KCNQ3: variants seen among roughly 807,000 people sequenced by gnomAD.
KCNQ3 encodes the protein potassium voltage-gated channel subfamily KQT member 3.
In KCNQ3, 30 loss-of-function variants were observed where a neutral mutation model predicts 92.5. The ratio of observed to expected loss-of-function variants is 0.32; its 90% confidence interval spans 0.24 to 0.44. KCNQ3 has a LOEUF of 0.44. KCNQ3 is among the 20% of genes least tolerant of loss of function. The pLI is 1.00. For synonymous variants in KCNQ3, 450 were observed against 468.8 expected (o/e 0.96, Z 0.52); for missense variants, 913 against 1,140.3 (o/e 0.80, Z 2.87).
At chr8:132,241,756 C>T (rs966720371) in intron 1 of KCNQ3, among the ~76,000 whole-genome samples, 1 of 150,896 alleles carries the variant, frequency 6.6e-6, no homozygotes, top group Non-Finnish European at 1.5e-5. Context: ...ATCACTTGAA[C>T]TGGGGAGGCA....
intron 4 of KCNQ3, 104 bp from the exon 5 acceptor site, chr8:132,175,712 T>C: frequency 1.8e-6 from 2 of 1,084,210 alleles, no homozygotes; most frequent in Non-Finnish European, 2.8e-6. Flanking sequence ...ACCAGCTCTG[T>C]GACTGTGGTC....
chr8:132,282,630 C>T (rs1816559001), intron 1 of KCNQ3, among the ~76,000 whole-genome samples: 1 of 152,188 alleles, frequency 6.6e-6, no homozygotes. Context: ...AAGACTCATG[C>T]TTTGCCAGGG....
intron 1 of KCNQ3, among the ~76,000 whole-genome samples, chr8:132,432,353 G>A (rs1216676759): frequency 5.4e-5 from 7 of 130,736 alleles, no homozygotes; most frequent in African/African-American, 1.5e-4. Flanking sequence ...AAATGAATAC[G>A]GCAAAAAAAA....
intron 1 of KCNQ3, among the ~76,000 whole-genome samples, chr8:132,354,405 T>A (rs73343873): frequency 0.029 from 4,486 of 152,254 alleles, 238 homozygotes; most frequent in African/African-American, 0.1. Context: ...GCAGATCACC[T>A]GTAATTAGAA....
At chr8:132,143,681 T>A (rs1169386087) in intron 9 of KCNQ3, among the ~76,000 whole-genome samples, 2 of 152,340 alleles carry the variant, frequency 1.3e-5, no homozygotes, top group Non-Finnish European at 2.9e-5. Context: ...CTCAGCCAAC[T>A]GAGATTCAGG....
At chr8:132,390,128 G>A (rs554034944) in intron 1 of KCNQ3, among the ~76,000 whole-genome samples, 4 of 152,188 alleles carry the variant, frequency 2.6e-5, no homozygotes, top group African/African-American at 4.8e-5. Context: ...ACTCACAAAC[G>A]TAAGACTTAG....
At chr8:132,474,815 C>T (rs1822372246) in intron 1 of KCNQ3, among the ~76,000 whole-genome samples, 2 of 152,110 alleles carry the variant, frequency 1.3e-5, no homozygotes, top group South Asian at 4.2e-4. Context: ...AAATTCTATG[C>T]CTGGGGAAGC....
intron 1 of KCNQ3, among the ~76,000 whole-genome samples, chr8:132,406,702 A>G (rs888838646): frequency 1.3e-5 from 2 of 152,214 alleles, no homozygotes; most frequent in African/African-American, 4.8e-5. Flanking sequence ...TAAGCATATG[A>G]AACACCATCA....
chr8:132,260,239 T>C (rs1815735220), intron 1 of KCNQ3, among the ~76,000 whole-genome samples: 1 of 152,184 alleles, frequency 6.6e-6, no homozygotes, highest in African/African-American at 2.4e-5. Context: ...AAATTCATGA[T>C]AATGTTTTCT....
At chr8:132,344,718 G>T (rs1322831810) in intron 1 of KCNQ3, among the ~76,000 whole-genome samples, 1 of 152,150 alleles carries the variant, frequency 6.6e-6, no homozygotes, top group African/African-American at 2.4e-5. Context: ...CAGGTTCAGG[G>T]TATAGAAAGC....
Position 132,480,403 on chromosome 8 carries a change from CCA to C in KCNQ3, c.128_129del (p.Val43GlyfsTer106). The C allele has an allele frequency of 6.5e-7, 1 of 1,530,458 alleles. No individual in the cohort carries two copies. Among genetic ancestry groups the C allele is most frequent in the Non-Finnish European group, 8.7e-7 (1 of 1,146,598 alleles). 94.8% of individuals were successfully genotyped at this position (1,530,458 alleles called of 1,614,324 possible). On this transcript the variant is annotated frameshift_variant, in exon 1 of 15. Transcript: ENST00000388996. LOFTEE classifies it high-confidence loss of function. ...TGCTCCACGTCGCCGGGCGCCAGCC[CCA>C]CTTTCCGCTCCTCGTCGCCGGCCGC... is the stretch of plus-strand genomic sequence containing the variant. ...AAAAGDEERK[V>X]GLAPGDVEQV...
intron 1 of KCNQ3, among the ~76,000 whole-genome samples, chr8:132,194,822 C>T (rs1827259957): frequency 6.6e-6 from 1 of 152,184 alleles, no homozygotes; most frequent in Non-Finnish European, 1.5e-5. Flanking sequence ...GAAATTTGTA[C>T]ATCAGAGTTC....
intron 1 of KCNQ3, among the ~76,000 whole-genome samples, chr8:132,441,791 T>C (rs1184217180): frequency 6.6e-6 from 1 of 152,180 alleles, no homozygotes; most frequent in Non-Finnish European, 1.5e-5. Context: ...TGTCATTTTT[T>C]GACGTTTTAA....
chr8:132,229,607 T>C (rs10100304), intron 1 of KCNQ3, among the ~76,000 whole-genome samples: 2,692 of 151,882 alleles, frequency 0.018, 50 homozygotes, highest in South Asian at 0.05. Context: ...CAAACACAGG[T>C]TGGAACTCCT....
At chr8:132,447,410 A>T in intron 1 of KCNQ3, 1 of 676,986 alleles carries the variant, frequency 1.5e-6, no homozygotes, top group South Asian at 1.8e-5. Context: ...GAAGAAAAGG[A>T]AGAAGGTGGG....
At chr8:132,223,547 C>G (rs2130346233) in intron 1 of KCNQ3, among the ~76,000 whole-genome samples, 1 of 152,180 alleles carries the variant, frequency 6.6e-6, no homozygotes, top group East Asian at 1.9e-4. Context: ...TTCATGGATC[C>G]TAAAATATGG....
intron 1 of KCNQ3, among the ~76,000 whole-genome samples, chr8:132,310,182 C>T (rs1326899357): frequency 6.6e-6 from 1 of 152,202 alleles, no homozygotes; most frequent in African/African-American, 2.4e-5. Context: ...TGGGAATGAG[C>T]CCTGCTCAGA....
At chr8:132,281,885 G>A (rs933387432) in intron 1 of KCNQ3, among the ~76,000 whole-genome samples, 1 of 152,134 alleles carries the variant, frequency 6.6e-6, no homozygotes, top group Non-Finnish European at 1.5e-5. Context: ...TCATCTCACT[G>A]CTCTCACTGA....
At chr8:132,284,823 TA>T (rs1444918143) in intron 1 of KCNQ3, among the ~76,000 whole-genome samples, 7 of 152,214 alleles carry the variant, frequency 4.6e-5, no homozygotes, top group Non-Finnish European at 8.8e-5. Flanking sequence ...TAACATGGAT[TA>T]ATGTCTTTCT....
Sources: allele counts gnomAD v4.1 joint callset (sites outside exome capture counted in the v4.1 genomes callset), GRCh38; gene constraint gnomAD v4.1.1; transcripts MANE v1.5; gene names NCBI Gene and HGNC (gene_info 2026-07-23, HGNC 2026-07-21).